The following TG variants were observed in gnomAD, a reference collection of about 807,000 sequenced individuals.
TG encodes the protein thyroglobulin, also known as thyroid hormones.
In TG, 270 loss-of-function variants were observed where a neutral mutation model predicts 324.7. The ratio of observed to expected loss-of-function variants is 0.83; its 90% confidence interval spans 0.75 to 0.92. The LOEUF (loss-of-function observed/expected upper bound fraction) is 0.92. TG is among the 40% of genes least tolerant of loss of function. The pLI, the probability that TG is intolerant of heterozygous loss-of-function variation, is 0.00. For missense variants in TG, 3,591 were observed against 3,456.4 expected (o/e 1.04, Z -0.98); for synonymous variants, 1,401 against 1,327.0 (o/e 1.06, Z -1.21).
chr8:133,030,307 A>G (rs1836509329), intron 41 of TG, among the ~76,000 whole-genome samples: 1 of 152,192 alleles, frequency 6.6e-6, no homozygotes, highest in Non-Finnish European at 1.5e-5. Flanking sequence ...CTGAACCATC[A>G]ATTATCTCTC....
At chr8:133,084,427 G>A (rs1846212405) in intron 41 of TG, among the ~76,000 whole-genome samples, 1 of 152,176 alleles carries the variant, frequency 6.6e-6, no homozygotes, top group Non-Finnish European at 1.5e-5. Context: ...AGGCTCAGGA[G>A]CCTGCATTTT....
chr8:132,955,446 G>A (rs1455835450), intron 27 of TG, among the ~76,000 whole-genome samples: 2 of 152,150 alleles, frequency 1.3e-5, no homozygotes, highest in Non-Finnish European at 2.9e-5. Flanking sequence ...CTTCAGATCC[G>A]TGACTGATCA....
chr8:133,066,344 A>AAAAGC (rs1554714559), intron 41 of TG, among the ~76,000 whole-genome samples: 1 of 150,640 alleles, frequency 6.6e-6, no homozygotes, highest in African/African-American at 2.4e-5. Context: ...AAAAAAAAAA[A>AAAAGC]GCTGTTACTG....
intron 14 of TG, among the ~76,000 whole-genome samples, chr8:132,899,302 C>T (rs1177900427): frequency 6.6e-6 from 1 of 152,244 alleles, no homozygotes; most frequent in Non-Finnish European, 1.5e-5. Context: ...AGGACACCAG[C>T]TTCTTTCCCT....
chr8:132,970,362 C>G (rs1829333893), intron 32 of TG, among the ~76,000 whole-genome samples: 2 of 152,162 alleles, frequency 1.3e-5, no homozygotes, highest in South Asian at 2.1e-4. Flanking sequence ...TGGGTGAGAT[C>G]CACAGATCTG....
intron 41 of TG, among the ~76,000 whole-genome samples, chr8:133,080,580 A>G (rs1018631041): frequency 1.3e-5 from 2 of 151,686 alleles, no homozygotes; most frequent in Non-Finnish European, 2.9e-5. Context: ...GCTGCCCCAA[A>G]CTCAGGACCA....
Position 132,995,053 on chromosome 8 carries a change from G to A in TG, c.6262+11641G>A, listed in dbSNP as rs548633423. 5.7e-5 allele frequency: 55 copies of A among 957,216 alleles called. No individual in the cohort carries two copies. The East Asian group carries it at 6.2e-4, about 11-fold the overall frequency. The allele number at this position is 957,216 out of a possible 1,614,324, so 59.3% of individuals were successfully genotyped here. On this transcript the variant is annotated intron_variant, in intron 35 of 47. Coordinates refer to ENST00000220616, the MANE Select transcript of TG (RefSeq NM_003235.5). ...TTTTTTCCCTTCTGCTTTTGTGAGC[G>A]CTCACCCACAGGCAAGCAGAAGGAG...
Position 133,116,628 on chromosome 8 carries a change from C to G in TG, c.7774C>G (p.Pro2592Ala), listed in dbSNP as rs757520733. 2 of 1,614,234 alleles carry G rather than the reference C, an allele frequency of 1.2e-6. No homozygotes were observed. Among genetic ancestry groups the G allele is most frequent in the East Asian group, 2.2e-5 (1 of 44,880 alleles). The change falls in exon 45 of 48, where the codon CCT (proline) becomes GCT (alanine). Residue 2592 changes from proline to alanine, a missense_variant. Transcript: ENST00000220616. The part of the protein sequence containing the change: ...NATRDYFIIC[P>A]IIDMASAWAK... ...CACCAGGGACTACTTTATCATCTGC[C>G]CTATAATCGACATGGCCAGTGCCTG...
chr8:132,925,516 C>CGTGTGTGTGTGTGTGTGT lies in TG; in HGVS notation c.4699+2027_4699+2044dup, dbSNP rs139966752. 1.0e-2 allele frequency among the ~76,000 whole-genome samples: 1,446 copies of CGTGTGTGTGTGTGTGTGT among 144,790 alleles called. 24 individuals are homozygous for CGTGTGTGTGTGTGTGTGT. Among genetic ancestry groups the CGTGTGTGTGTGTGTGTGT allele is most frequent in the African/African-American group, 0.033 (1,291 of 39,054 alleles). 95.0% of individuals were successfully genotyped at this position (144,790 alleles called of 152,430 possible). A position where few individuals can be genotyped will look rare whatever the true frequency, so the allele number is the denominator to read the frequency against. On this transcript the variant is annotated intron_variant, in intron 22 of 47. Coordinates refer to ENST00000220616, the MANE Select transcript of TG (RefSeq NM_003235.5). The stretch of plus-strand genomic sequence containing the variant: ...AAGTGCTAACAAGTCCTAAGGAGTG[C>CGTGTGTGTGTGTGTGTGT]GTGTGTGTGTGTGTGTGTGTGTGTG...
At position 132,913,194 on chromosome 8, in the gene TG, C is replaced by T. The variant is rs1165930424; in HGVS notation, c.4307C>T (p.Thr1436Ile). ...GACCACTTTGGCACCTCTCCCAGGA[C>T]ATGGTTTGGGTGCTCGGAAGGATTC... Reference protein sequence around the residue: ...QGDHFGTSPRTWFGCSEGFYQ... With the variant: ...QGDHFGTSPRIWFGCSEGFYQ... Residue 1436 changes from threonine (T) to isoleucine (I), a missense_variant, in exon 20 of 48, where the codon ACA (threonine) becomes ATA (isoleucine). Transcript: ENST00000220616. 6.2e-7 allele frequency: 1 copy of T among 1,614,174 alleles called. No homozygotes were observed. Among genetic ancestry groups the T allele is most frequent in the Non-Finnish European group, 8.5e-7 (1 of 1,180,030 alleles).
At chr8:133,083,356 T>C (rs1391092255) in intron 41 of TG, among the ~76,000 whole-genome samples, 1 of 152,246 alleles carries the variant, frequency 6.6e-6, no homozygotes, top group South Asian at 2.1e-4. Context: ...TTGAAACATG[T>C]ATGCACTTTA....
chr8:132,926,186 C>T (rs1029393155), intron 22 of TG, among the ~76,000 whole-genome samples: 3 of 152,186 alleles, frequency 2.0e-5, no homozygotes, highest in African/African-American at 7.2e-5. Flanking sequence ...AAGCAAGGGA[C>T]TTATACCTCC....
intron 35 of TG, 112 bp from the exon 36 acceptor site, chr8:133,011,789 C>A (rs1308031571): frequency 1.5e-6 from 2 of 1,355,406 alleles, no homozygotes; most frequent in Admixed American, 1.7e-5. Context: ...GAATGGAGAC[C>A]AAGAGGAGGA....
intron 41 of TG, chr8:133,037,368 G>T (rs1411062744): frequency 1.3e-5 from 2 of 152,172 alleles, no homozygotes; most frequent in Non-Finnish European, 2.9e-5. Context: ...TCATATGGAT[G>T]CCAGACCCTT....
intron 5 of TG, among the ~76,000 whole-genome samples, chr8:132,877,984 G>A (rs1018608106): frequency 1.3e-5 from 2 of 152,074 alleles, no homozygotes; most frequent in African/African-American, 4.8e-5. Context: ...GGAATCATGA[G>A]GAAGGCAAAA....
intron 26 of TG, among the ~76,000 whole-genome samples, chr8:132,948,185 C>CT (rs1016180431): frequency 5.9e-5 from 9 of 151,574 alleles, no homozygotes; most frequent in Admixed American, 1.3e-4. Flanking sequence ...TCCGTCCCCC[C>CT]CCAAAAAAAG....
chr8:132,921,424 C>T (rs1821097763), intron 21 of TG, among the ~76,000 whole-genome samples: 1 of 152,190 alleles, frequency 6.6e-6, no homozygotes, highest in Non-Finnish European at 1.5e-5. Flanking sequence ...TCTCTAGGAT[C>T]AAGGTTGGAG....
chr8:133,128,685 G>T (rs1445875065), intron 45 of TG, among the ~76,000 whole-genome samples: 1 of 152,168 alleles, frequency 6.6e-6, no homozygotes, highest in Non-Finnish European at 1.5e-5. Flanking sequence ...CTTTCCATGT[G>T]ACAAGGAGAA....
At chr8:132,917,195 C>T (rs1472999540) in intron 20 of TG, among the ~76,000 whole-genome samples, 2 of 152,100 alleles carry the variant, frequency 1.3e-5, no homozygotes, top group African/African-American at 4.8e-5. Flanking sequence ...TCTCAAGGCA[C>T]TCACAGCCTG....
Sources: gnomAD v4.1 joint callset for allele counts (sites outside exome capture counted in the v4.1 genomes callset) on GRCh38, gnomAD v4.1.1 for gene constraint, MANE v1.5 for transcripts, NCBI Gene and HGNC (gene_info 2026-07-23, HGNC 2026-07-21) for gene names.